DLG1: variants seen among roughly 807,000 people sequenced by gnomAD.
DLG1 encodes the protein disks large homolog 1.
DLG1 carries 42 observed loss-of-function variants against 123.4 expected under a neutral mutation model. The observed-to-expected ratio is 0.34, with a 90% CI of 0.27 to 0.44. The LOEUF (loss-of-function observed/expected upper bound fraction) is 0.44. Ranked by LOEUF, DLG1 falls within the 20% of genes least tolerant of loss-of-function variation. DLG1 has a pLI of 1.00. For missense variants in DLG1, 942 were observed against 1,082.6 expected (o/e 0.87, Z 1.82); for synonymous variants, 317 against 356.2 (o/e 0.89, Z 1.24).
intron 5 of DLG1, among the ~76,000 whole-genome samples, chr3:197,163,800 G>C (rs1453432115): frequency 2.0e-5 from 3 of 148,108 alleles, no homozygotes; most frequent in African/African-American, 7.5e-5. Flanking sequence ...GCCTTCCAAA[G>C]TGTTGAGATT....
rs112417320 is a variant in DLG1, at chr3:197,214,644, T to C, written c.319-20055A>G. Among the ~76,000 whole-genome samples, 1,238 of 152,184 alleles carry C rather than the reference T, an allele frequency of 8.1e-3. 13 individuals are homozygous for C. The highest frequency in any genetic ancestry group is 0.027 in the African/African-American group (1,131 of 41,520). ...GAATACATAAAATTTAAAACTTTTG[T>C]GTCACCAACTTAAAAAGAAAATGCC... On this transcript the variant is annotated intron_variant, in intron 4 of 24. Coordinates refer to ENST00000667157, the MANE Select transcript of DLG1 (RefSeq NM_001366207.1).
intron 4 of DLG1, among the ~76,000 whole-genome samples, chr3:197,273,158 A>T (rs1764634375): frequency 6.6e-6 from 1 of 151,190 alleles, no homozygotes; most frequent in African/African-American, 2.4e-5. Flanking sequence ...TGTTTAGAGG[A>T]CTTCAGATTA....
intron 15 of DLG1, among the ~76,000 whole-genome samples, chr3:197,088,383 T>G (rs770586746): frequency 6.6e-6 from 1 of 151,874 alleles, no homozygotes; most frequent in African/African-American, 2.4e-5. Context: ...TCCTGCAAAA[T>G]AAAACAGGGT....
intron 4 of DLG1, among the ~76,000 whole-genome samples, chr3:197,207,403 A>C (rs1213913701): frequency 2.6e-5 from 4 of 152,258 alleles, no homozygotes; most frequent in African/African-American, 9.6e-5. Context: ...TCTTGGCAGA[A>C]AGAATCAAGT....
intron 5 of DLG1, among the ~76,000 whole-genome samples, chr3:197,158,579 A>G (rs1057111897): frequency 7.1e-6 from 1 of 141,590 alleles, no homozygotes; most frequent in Non-Finnish European, 1.5e-5. Context: ...GGCTGTGGTG[A>G]GCCGAGATTG....
At chr3:197,051,927 C>T (rs886491897) in intron 23 of DLG1, among the ~76,000 whole-genome samples, 5 of 150,200 alleles carry the variant, frequency 3.3e-5, no homozygotes, top group African/African-American at 7.4e-5. Flanking sequence ...CTGCAACCTC[C>T]GCCTCCTGGG....
chr3:197,106,644 A>C (rs1014736044), intron 13 of DLG1, among the ~76,000 whole-genome samples: 2 of 152,204 alleles, frequency 1.3e-5, no homozygotes, highest in Non-Finnish European at 2.9e-5. Flanking sequence ...TGTAGAAAAG[A>C]TTAAGAATGT....
intron 18 of DLG1, among the ~76,000 whole-genome samples, chr3:197,073,275 C>T (rs1443789692): frequency 6.6e-6 from 1 of 152,148 alleles, no homozygotes; most frequent in Non-Finnish European, 1.5e-5. Flanking sequence ...ACCTACGTGC[C>T]TGAGGAAATT....
At chr3:197,123,713 G>C (rs748375318) in intron 11 of DLG1, among the ~76,000 whole-genome samples, 16 of 152,148 alleles carry the variant, frequency 1.1e-4, no homozygotes, top group Non-Finnish European at 2.2e-4. Flanking sequence ...TGCCTACCCT[G>C]TAACACAGCA....
chr3:197,137,928 C>T (rs112223222), intron 9 of DLG1, among the ~76,000 whole-genome samples: 1 of 151,186 alleles, frequency 6.6e-6, no homozygotes, highest in African/African-American at 2.4e-5. Flanking sequence ...GCCATGACTG[C>T]ACCACTGGAC....
In DLG1 at chr3:197,240,244, C is replaced by T. The variant is rs1029288998; in HGVS notation, c.318+42435G>A. 2.0e-5 allele frequency among the ~76,000 whole-genome samples: 3 copies of T among 152,270 alleles called. 1 individual carries two copies. Among genetic ancestry groups the T allele is most frequent in the South Asian group, 4.1e-4 (2 of 4,824 alleles). ...CTGTAGAAGGTTTATTGTACAGGTC[C>T]CCTGGGCAGGAACTCCTAGCCAGCA... On this transcript the variant is annotated intron_variant, in intron 4 of 24. Transcript: ENST00000667157.
intron 4 of DLG1, among the ~76,000 whole-genome samples, chr3:197,276,892 C>CT (rs367888433): frequency 1.2e-3 from 182 of 151,212 alleles, no homozygotes; most frequent in Non-Finnish European, 2.4e-3. Context: ...TAATTTTTAA[C>CT]TTTTTTTTTC....
At chr3:197,255,284 A>G (rs544268643) in intron 4 of DLG1, among the ~76,000 whole-genome samples, 3 of 152,166 alleles carry the variant, frequency 2.0e-5, no homozygotes, top group Admixed American at 6.6e-5. Context: ...ACCAACACCA[A>G]TAAGAGGTGG....
intron 3 of DLG1, among the ~76,000 whole-genome samples, chr3:197,291,375 A>T (rs1424051816): frequency 2.6e-5 from 4 of 151,978 alleles, no homozygotes; most frequent in Non-Finnish European, 4.4e-5. Context: ...CATCAGTGGG[A>T]CTAATATAAT....
intron 14 of DLG1, among the ~76,000 whole-genome samples, chr3:197,094,405 T>G (rs997189691): frequency 1.3e-5 from 2 of 152,238 alleles, no homozygotes; most frequent in Non-Finnish European, 2.9e-5. Flanking sequence ...TTTGTTCTAA[T>G]GGCAAACTTT....
intron 4 of DLG1, among the ~76,000 whole-genome samples, chr3:197,231,709 AACAACAAAAAAC>A (rs1198120890): frequency 6.6e-6 from 1 of 151,204 alleles, no homozygotes; most frequent in Admixed American, 6.6e-5. Flanking sequence ...AAAAAAAAAA[AACAACAAAAAAC>A]AAAACAACAA....
chr3:197,263,724 C>T (rs899574694), intron 4 of DLG1, among the ~76,000 whole-genome samples: 3 of 151,598 alleles, frequency 2.0e-5, no homozygotes, highest in African/African-American at 7.3e-5. Context: ...GAGGTGGACA[C>T]TGCAGTGAGC....
rs116226091 is a variant in DLG1 at position 197,206,507 on chromosome 3, G to A, written c.319-11918C>T. ...TGGAGACAGGGTTTCACCACATTGC[G>A]CAGGCTGGTCTGGAACTCCTGAGCT... On this transcript the variant is annotated intron_variant, in intron 4 of 24. Transcript: ENST00000667157. Among the ~76,000 whole-genome samples the A allele has an allele frequency of 5.2e-4, 79 of 152,014 alleles. 1 individual carries two copies. Among genetic ancestry groups the A allele is most frequent in the Non-Finnish European group, 4.4e-4 (30 of 67,958 alleles).
At chr3:197,164,683 C>T (rs1192995972) in intron 5 of DLG1, among the ~76,000 whole-genome samples, 1 of 151,014 alleles carries the variant, frequency 6.6e-6, no homozygotes, top group Non-Finnish European at 1.5e-5. Flanking sequence ...AGGCAGATCA[C>T]CTGAGTTTAG....
Sources: gnomAD v4.1 joint callset for allele counts (sites outside exome capture counted in the v4.1 genomes callset) on GRCh38, gnomAD v4.1.1 for gene constraint, MANE v1.5 for transcripts, NCBI Gene and HGNC (gene_info 2026-07-23, HGNC 2026-07-21) for gene names.